ATP11B: variants seen among roughly 807,000 people sequenced by gnomAD.
The protein encoded by ATP11B is ATPase phospholipid transporting 11B (putative).
A neutral mutation model predicts 157.8 loss-of-function variants in ATP11B; 81 were observed. The observed-to-expected ratio is 0.51, with a 90% CI of 0.43 to 0.62. The LOEUF (loss-of-function observed/expected upper bound fraction) is 0.62, where lower values mean the gene tolerates loss of function less well. ATP11B is among the 20% of genes least tolerant of loss of function. The pLI is 0.00. For missense variants in ATP11B, 1,165 were observed against 1,402.2 expected (o/e 0.83, Z 2.70); for synonymous variants, 451 against 469.4 (o/e 0.96, Z 0.51).
At chr3:182,885,188 C>A (rs1223605277) in intron 22 of ATP11B, among the ~76,000 whole-genome samples, 1 of 152,082 alleles carries the variant, frequency 6.6e-6, no homozygotes, top group South Asian at 2.1e-4. Context: ...GAGTTCTTAG[C>A]CTTTTTATGC....
At chr3:182,846,843 T>C (rs1292675436) in intron 9 of ATP11B, among the ~76,000 whole-genome samples, 2 of 152,140 alleles carry the variant, frequency 1.3e-5, no homozygotes, top group Non-Finnish European at 2.9e-5. Context: ...GGAGAATGTT[T>C]GCTTAATGGG....
intron 28 of ATP11B, among the ~76,000 whole-genome samples, chr3:182,906,116 C>G (rs947018518): frequency 6.6e-6 from 1 of 152,194 alleles, no homozygotes; most frequent in East Asian, 1.9e-4. Context: ...AAAATTTTGT[C>G]AATCTCTCTT....
intron 1 of ATP11B, among the ~76,000 whole-genome samples, chr3:182,818,803 T>A (rs957277110): frequency 4.6e-5 from 7 of 151,882 alleles, no homozygotes; most frequent in Non-Finnish European, 1.0e-4. Context: ...GTTACTAAAT[T>A]AGAGCGTTTA....
At chr3:182,863,911 C>A (rs552444061) in intron 12 of ATP11B, among the ~76,000 whole-genome samples, 10 of 151,980 alleles carry the variant, frequency 6.6e-5, no homozygotes, top group Non-Finnish European at 1.0e-4. Flanking sequence ...CATGTGTGGG[C>A]TTTTTTTAAT....
chr3:182,874,054 T>A (rs780603298), intron 19 of ATP11B, 39 bp downstream of exon 19: 1 of 1,573,364 alleles, frequency 6.4e-7, no homozygotes, highest in South Asian at 1.1e-5. Context: ...TTTCAGGGGT[T>A]AGCAAACTAT....
intron 10 of ATP11B, among the ~76,000 whole-genome samples, chr3:182,849,401 A>G (rs989994472): frequency 6.6e-6 from 1 of 152,246 alleles, no homozygotes; most frequent in African/African-American, 2.4e-5. Context: ...TAAGCAGAAT[A>G]TGAAGAAAAT....
At chr3:182,858,714 T>G (rs73883918) in intron 11 of ATP11B, among the ~76,000 whole-genome samples, 3,097 of 152,268 alleles carry the variant, frequency 0.02, 101 homozygotes, top group African/African-American at 0.072. Context: ...AATCTGCACT[T>G]AAGAGTTTTA....
intron 25 of ATP11B, among the ~76,000 whole-genome samples, chr3:182,895,279 C>T (rs1052033006): frequency 1.3e-5 from 2 of 152,090 alleles, no homozygotes; most frequent in African/African-American, 4.8e-5. Context: ...AGCACAGGTT[C>T]AGTATGACTT....
chr3:182,917,212 A>G (rs1725198589), intron 29 of ATP11B: 2 of 985,394 alleles, frequency 2.0e-6, no homozygotes, highest in Non-Finnish European at 2.4e-6. Flanking sequence ...AAAAAGTTAC[A>G]TAAAATGTAT....
In ATP11B at chr3:182,795,924, T is replaced by A. The variant is rs115558765; in HGVS notation, c.27+2138T>A. Among the ~76,000 whole-genome samples the A allele has an allele frequency of 3.1e-3, 467 of 152,266 alleles. 2 individuals are homozygous for A. Among genetic ancestry groups the A allele is most frequent in the African/African-American group, 0.011 (450 of 41,546 alleles). ...TTAAAATGCAGATAACTAGGACAAA[T>A]TTGGGGAAATTGACAAGCAAATCCT... On this transcript the variant is annotated intron_variant, in intron 1 of 29. Coordinates refer to ENST00000323116, the MANE Select transcript of ATP11B (RefSeq NM_014616.3).
chr3:182,820,167 T>C (rs1403390224), intron 1 of ATP11B, 93 bp from the exon 2 acceptor site: 2 of 825,832 alleles, frequency 2.4e-6, no homozygotes, highest in Non-Finnish European at 4.1e-6. Context: ...TAGTAATATA[T>C]GTAATCTGAC....
chr3:182,824,950 A>G (rs1425736980), intron 2 of ATP11B, among the ~76,000 whole-genome samples: 1 of 152,228 alleles, frequency 6.6e-6, no homozygotes, highest in Admixed American at 6.5e-5. Flanking sequence ...GGTAGAATTC[A>G]TATCTTTGAC....
chr3:182,820,216 C>T, intron 1 of ATP11B, 44 bp from the exon 2 acceptor site: 2 of 1,269,320 alleles, frequency 1.6e-6, no homozygotes, highest in Non-Finnish European at 2.3e-6. Context: ...CATAACTAAC[C>T]TGGTTGACTA....
At chr3:182,865,308 G>A in intron 12 of ATP11B, 148 bp from the exon 13 acceptor site, 1 of 663,990 alleles carries the variant, frequency 1.5e-6, no homozygotes, top group Non-Finnish European at 2.4e-6. Context: ...TTATTTAATT[G>A]TGCTTGGATT....
At chr3:182,897,434 G>T in intron 27 of ATP11B, 28 bp downstream of exon 27, 1 of 1,397,420 alleles carries the variant, frequency 7.2e-7, no homozygotes, top group South Asian at 1.3e-5. Flanking sequence ...ATTTTAATTG[G>T]ATTGCTTCAA....
At chr3:182,808,775 A>T (rs1012880880) in intron 1 of ATP11B, among the ~76,000 whole-genome samples, 2 of 152,168 alleles carry the variant, frequency 1.3e-5, no homozygotes, top group Non-Finnish European at 2.9e-5. Context: ...AAAAAGTTGC[A>T]AATATAGTGG....
chr3:182,898,750 C>A lies in ATP11B; in HGVS notation c.3296C>A (p.Pro1099His). Residue 1099 changes from proline (P) to histidine (H), a missense_variant, in exon 28 of 30, where the codon CCT becomes CAT. By Grantham distance (77) the Pro-to-His change is moderately conservative (BLOSUM62 -2). Around this residue, in one of 4 missense-constraint regions of ATP11B, gnomAD observed 303 missense variants for 296.3 expected, o/e 1.02. Transcript: ENST00000323116. ...AAGGTCTTTGACCGACACCTCCACC[C>A]TACAAGTACTGAAAAGGCACAGGTA... ...IKKVFDRHLH[P>H]TSTEKAQLTE... The A allele has an allele frequency of 1.3e-6, 2 of 1,559,472 alleles. No individual in the cohort carries two copies. Among genetic ancestry groups the A allele is most frequent in the Non-Finnish European group, 1.7e-6 (2 of 1,154,846 alleles).
intron 2 of ATP11B, among the ~76,000 whole-genome samples, chr3:182,824,423 A>G (rs1369508708): frequency 6.6e-6 from 1 of 152,186 alleles, no homozygotes. Flanking sequence ...AAAATTCACA[A>G]TTTATACTTC....
intron 1 of ATP11B, among the ~76,000 whole-genome samples, chr3:182,814,190 A>G (rs1254907565): frequency 6.6e-6 from 1 of 152,066 alleles, no homozygotes; most frequent in Non-Finnish European, 1.5e-5. Flanking sequence ...CAGCCTCACA[A>G]GTAGGTGGGA....
Sources: gnomAD v4.1 joint callset for allele counts (sites outside exome capture counted in the v4.1 genomes callset) on GRCh38, gnomAD v4.1.1 for gene constraint, gnomAD v4.1.1 regional missense constraint, MANE v1.5 for transcripts, NCBI Gene and HGNC (gene_info 2026-07-23, HGNC 2026-07-21) for gene names.